Variants in MUC4 observed in about 807,000 individuals in gnomAD.
The protein encoded by MUC4 is mucin 4, cell surface associated, also known as mucin-4.
MUC4 carries 202 observed loss-of-function variants against 257.9 expected under a neutral mutation model. The ratio of observed to expected loss-of-function variants is 0.78; its 90% CI spans 0.70 to 0.88. The LOEUF is 0.88. Among genes scored for constraint, MUC4 ranks in the 40% least tolerant of loss-of-function variants. The pLI, the probability that MUC4 is intolerant of heterozygous loss-of-function variation, is 0.00. For synonymous variants in MUC4, 2,351 were observed against 2,757.1 expected (o/e 0.85, Z 4.62); for missense variants, 5,976 against 6,513.7 (o/e 0.92, Z 2.84).
chr3:195,759,937 A>ACG (rs1718441464), intron 16 of MUC4, among the ~76,000 whole-genome samples: 1 of 119,430 alleles, frequency 8.4e-6, no homozygotes, highest in African/African-American at 2.9e-5. Context: ...ACACACACGC[A>ACG]CAAAACCTGG....
chr3:195,791,935 T>C (rs1464530677), intron 1 of MUC4, among the ~76,000 whole-genome samples: 1 of 152,224 alleles, frequency 6.6e-6, no homozygotes, highest in Non-Finnish European at 1.5e-5. Flanking sequence ...GTTAGCCATA[T>C]GCAGAAAACT....
chr3:195,778,792 G>A lies in MUC4; in HGVS notation c.12788C>T (p.Pro4263Leu), dbSNP rs940010759. 34 of 1,608,812 alleles carry A rather than the reference G, an allele frequency of 2.1e-5. No homozygotes were observed. Among genetic ancestry groups the A allele is most frequent in the Middle Eastern group, 1.7e-4 (1 of 6,038 alleles). The change falls in exon 2 of 25, where the codon CCA (proline) becomes CTA (leucine). Residue 4263 changes from proline (P) to leucine (L), a missense_variant and splice_region_variant. Around this residue, in one of 44 missense-constraint regions of MUC4, gnomAD observed 233 missense variants for 171.2 expected, o/e 1.36. Transcript: ENST00000463781. ...AAGGCGAGGCAGTTGGCAGCTACCT[G>A]GTGTTTCCATCTTCAGAGGGGAGTC... ...SSDSPLKMET[P>L]GMTTPSLKTD...
At chr3:195,805,588 T>G (rs1735885919) in intron 1 of MUC4, among the ~76,000 whole-genome samples, 1 of 152,000 alleles carries the variant, frequency 6.6e-6, no homozygotes, top group South Asian at 2.1e-4. Flanking sequence ...GTGATCCCAG[T>G]TGGAATCAAG....
At chr3:195,793,007 G>A (rs532564536) in intron 1 of MUC4, among the ~76,000 whole-genome samples, 12 of 152,242 alleles carry the variant, frequency 7.9e-5, no homozygotes, top group African/African-American at 1.2e-4. Flanking sequence ...GAGGAAGAGC[G>A]TCAGGATAAA....
Position 195,778,402 on chromosome 3 carries a change from G to T in MUC4, c.12844C>A (p.Pro4282Thr), listed in dbSNP as rs768711442. ...ATGGTCTGGGAGGTTGTGGGGGGTG[G>T]TGATGTGGCTGTGCGTCTCCCACCG... ...TDGGRRTATS[P>T]PPTTSQTIIS... The change falls in exon 3 of 25, where the codon CCA becomes ACA. Residue 4282 changes from proline to threonine, a missense_variant. Pro to Thr is a conservative substitution (Grantham distance 38). Transcript: ENST00000463781. The T allele has an allele frequency of 3.1e-6, 5 of 1,613,080 alleles. No homozygotes were observed. Among genetic ancestry groups the T allele is most frequent in the South Asian group, 2.2e-5 (2 of 91,066 alleles).
At chr3:195,800,890 GAAAA>G (rs59625247) in intron 1 of MUC4, among the ~76,000 whole-genome samples, 4 of 91,374 alleles carry the variant, frequency 4.4e-5, no homozygotes, top group Non-Finnish European at 6.4e-5. Flanking sequence ...CCCCTTCTCT[GAAAA>G]AAAAAAAAAA....
chr3:195,807,392 C>A (rs989394092), intron 1 of MUC4, among the ~76,000 whole-genome samples: 17 of 152,016 alleles, frequency 1.1e-4, no homozygotes, highest in Non-Finnish European at 1.8e-4. Flanking sequence ...CTCTTGAACC[C>A]GGGAGGCAGA....
chr3:195,773,998 G>T (rs1339632912), intron 4 of MUC4, among the ~76,000 whole-genome samples, 174 bp downstream of exon 4: 1 of 152,238 alleles, frequency 6.6e-6, no homozygotes, highest in Non-Finnish European at 1.5e-5. Context: ...GGCAGCCCTC[G>T]CCTGGCACCC....
chr3:195,796,880 G>A (rs1272263739), intron 1 of MUC4, among the ~76,000 whole-genome samples: 1 of 152,114 alleles, frequency 6.6e-6, no homozygotes, highest in Non-Finnish European at 1.5e-5. Context: ...GGATAAGAAA[G>A]ACAAACTATA....
intron 13 of MUC4, 37 bp downstream of exon 13, chr3:195,762,818 G>T: frequency 6.7e-7 from 1 of 1,497,230 alleles, no homozygotes. Context: ...CGCTGCTCCC[G>T]GTGCGGGGAG....
chr3:195,749,117 A>C (rs1715801125), intron 23 of MUC4, 53 bp from the exon 24 acceptor site: 1 of 1,589,824 alleles, frequency 6.3e-7, no homozygotes, highest in Non-Finnish European at 8.6e-7. Context: ...ACACTAAATC[A>C]GTACCTTTTC....
chr3:195,785,162 C>A lies in MUC4; in HGVS notation c.6418G>T (p.Gly2140Cys), dbSNP rs1431745059. The A allele has an allele frequency of 6.5e-7, 1 of 1,544,618 alleles. No homozygotes were observed. Among genetic ancestry groups the A allele is most frequent in the South Asian group, 1.2e-5 (1 of 83,682 alleles). The change falls in exon 2 of 25, where the codon GGT becomes TGT. Residue 2140 changes from glycine (G) to cysteine (C), a missense_variant. Gly to Cys is a radical substitution (Grantham distance 159). Coordinates refer to ENST00000463781, the MANE Select transcript of MUC4 (RefSeq NM_018406.7). ...PVTSPSSTSTGDTTPLPVTET... is the reference protein window; with the variant it reads ...PVTSPSSTSTCDTTPLPVTET... The stretch of plus-strand genomic sequence containing the variant: ...GTGACAGGAAGAGGGGTGGTGTCAC[C>A]TGTGGATGTTGAGGAAGGGCTGGTG...
rs1717396895 is a variant in MUC4, at chr3:195,755,053, G to A, written c.15169-681C>T. 6.6e-6 allele frequency among the ~76,000 whole-genome samples: 1 copy of A among 151,978 alleles called. No homozygotes were observed. Among genetic ancestry groups the A allele is most frequent in the South Asian group, 2.1e-4 (1 of 4,816 alleles). ...TTATTTTGAGACAGGGTCCCACTCG[G>A]TTGCCCAGGCTGGAGTGCAATGTCT... On this transcript the variant is annotated intron_variant, in intron 18 of 24. Coordinates refer to ENST00000463781, the MANE Select transcript of MUC4 (RefSeq NM_018406.7). This position sits in a 1 kb window ranked among gnomAD's most constrained non-coding sequence, Gnocchi z 5.0.
At position 195,788,686 on chromosome 3, in the gene MUC4, G is replaced by A. The variant is rs754571162; in HGVS notation, c.2894C>T (p.Thr965Ile). 3 of 1,602,706 alleles carry A rather than the reference G, an allele frequency of 1.9e-6. No individual in the cohort carries two copies. The highest frequency in any genetic ancestry group is 1.1e-5 in the South Asian group (1 of 90,862). ...HTLSPSGSGK[T>I]FTTALISNAT... is the part of the protein sequence containing the mutation. ...GTTGCTGATGAGGGCCGTGGTGAAG[G>A]TTTTACCAGACCCTGAAGGTGACAG... The change falls in exon 2 of 25, where the codon ACC becomes ATC. Residue 965 changes from threonine to isoleucine, a missense_variant. Thr to Ile is a moderately conservative substitution (Grantham distance 89). This residue lies in a region of MUC4 where 1,583 missense variants were observed against 1,257.4 expected (regional missense o/e 1.26). Transcript: ENST00000463781.
At chr3:195,752,911 C>T in intron 20 of MUC4, 140 bp downstream of exon 20, 1 of 825,274 alleles carries the variant, frequency 1.2e-6, no homozygotes, top group Non-Finnish European at 1.8e-6. Context: ...CCGCACCTTA[C>T]ACCATCCCAG....
chr3:195,759,691 C>T (rs148096715), intron 16 of MUC4, among the ~76,000 whole-genome samples: 4,589 of 152,108 alleles, frequency 0.03, 124 homozygotes, highest in Non-Finnish European at 0.046. Context: ...AGGCCGAGGC[C>T]GGTGGATAAC....
Position 195,762,017 on chromosome 3 carries a change from C to A in MUC4, c.14512+70G>T, listed in dbSNP as rs111913964. 124 of 1,492,744 alleles carry A rather than the reference C, an allele frequency of 8.3e-5. 2 individuals are homozygous for A. In the African/African-American group the frequency reaches 1.3e-3, roughly 16 times the overall value. The allele number at this position is 1,492,744 out of a possible 1,614,324, so 92.5% of individuals were successfully genotyped here. ...GGGAGGCCGAGCAGGGCTGCCCGGG[C>A]CGCCGGCGTGGGGGTCCGAGCTCCG... is the stretch of plus-strand genomic sequence containing the variant. On this transcript the variant is annotated intron_variant, in intron 14 of 24. Coordinates refer to ENST00000463781, the MANE Select transcript of MUC4 (RefSeq NM_018406.7).
At chr3:195,800,208 G>A (rs988672931) in intron 1 of MUC4, among the ~76,000 whole-genome samples, 6 of 152,106 alleles carry the variant, frequency 3.9e-5, no homozygotes, top group Admixed American at 6.6e-5. Flanking sequence ...AACCTGGGAG[G>A]TGGAGGTTGC....
Position 195,785,725 on chromosome 3 carries a change from G to A in MUC4, c.5855C>T (p.Pro1952Leu). The A allele has an allele frequency of 1.4e-6, 2 of 1,380,302 alleles. No homozygotes were observed. Among genetic ancestry groups the A allele is most frequent in the Non-Finnish European group, 2.0e-6 (2 of 1,023,940 alleles). 85.5% of individuals were successfully genotyped at this position (1,380,302 alleles called of 1,614,324 possible). A position where few individuals can be genotyped will look rare whatever the true frequency, so the allele number is the denominator to read the frequency against. ...TGAGGAAGCGTCGGTGACAGGAAGA[G>A]GGGTGGTGTGACCTGAGGATGCTGA... ...PSSASSGHTTPLPVTDASSVP... is the reference protein window; with the variant it reads ...PSSASSGHTTLLPVTDASSVP... The change falls in exon 2 of 25, where the codon CCT becomes CTT. Residue 1952 changes from proline (P) to leucine (L), a missense_variant. Transcript: ENST00000463781.
Sources: gnomAD v4.1 joint callset for allele counts (sites outside exome capture counted in the v4.1 genomes callset) on GRCh38, gnomAD v4.1.1 for gene constraint, gnomAD v4.1.1 regional missense constraint, Gnocchi (gnomAD v3.1) non-coding constraint, MANE v1.5 for transcripts, NCBI Gene and HGNC (gene_info 2026-07-23, HGNC 2026-07-21) for gene names.